Variants in PPFIBP1 observed in about 807,000 individuals in gnomAD.
PPFIBP1 encodes the protein liprin-beta-1.
PPFIBP1 carries 112 observed loss-of-function variants against 137.8 expected under a neutral mutation model. The observed-to-expected ratio is 0.81, with a 90% CI of 0.70 to 0.95. PPFIBP1 has a LOEUF of 0.95. Ranked by LOEUF, PPFIBP1 falls within the 40% of genes least tolerant of loss-of-function variation. The pLI is 0.00. For missense variants in PPFIBP1, 1,083 were observed against 1,196.6 expected (o/e 0.91, Z 1.40); for synonymous variants, 378 against 417.3 (o/e 0.91, Z 1.15).
intron 2 of PPFIBP1, among the ~76,000 whole-genome samples, chr12:27,629,941 C>A (rs1488261162): frequency 3.3e-5 from 5 of 152,142 alleles, no homozygotes; most frequent in Non-Finnish European, 5.9e-5. Flanking sequence ...TTTATCGAAA[C>A]TGATTCTGTG....
At chr12:27,559,854 G>A (rs1459882826) in intron 1 of PPFIBP1, among the ~76,000 whole-genome samples, 1 of 152,202 alleles carries the variant, frequency 6.6e-6, no homozygotes, top group Non-Finnish European at 1.5e-5. Flanking sequence ...AAAAATAAAT[G>A]TAATTGGGGT....
At chr12:27,548,741 CTG>C (rs1462815472) in intron 1 of PPFIBP1, 3 of 152,288 alleles carry the variant, frequency 2.0e-5, no homozygotes, top group Non-Finnish European at 4.4e-5. Flanking sequence ...GTGGGGAAGC[CTG>C]ATGACTTCGT....
At chr12:27,692,529 CTGCTGCACTT>C (rs2061609669) in intron 28 of PPFIBP1, 52 bp from the exon 29 acceptor site, 1 of 1,496,040 alleles carries the variant, frequency 6.7e-7, no homozygotes, top group African/African-American at 1.4e-5. Flanking sequence ...TTTGTTCCTC[CTGCTGCACTT>C]TCCCTGAAAT....
intron 1 of PPFIBP1, among the ~76,000 whole-genome samples, chr12:27,543,749 T>C (rs185186711): frequency 8.8e-4 from 134 of 152,274 alleles, no homozygotes; most frequent in African/African-American, 2.9e-3. Flanking sequence ...CTAAATCTTA[T>C]AACGTTTGCA....
chr12:27,579,074 T>C (rs1463837338), intron 2 of PPFIBP1, among the ~76,000 whole-genome samples: 1 of 152,240 alleles, frequency 6.6e-6, no homozygotes, highest in Non-Finnish European at 1.5e-5. Context: ...ATTCTCACCC[T>C]TTAAAACCTT....
At chr12:27,640,978 C>A (rs113740967) in intron 4 of PPFIBP1, among the ~76,000 whole-genome samples, 1 of 152,112 alleles carries the variant, frequency 6.6e-6, no homozygotes, top group Admixed American at 6.5e-5. Context: ...ATGGACTGAG[C>A]CTTACTCTTC....
At chr12:27,597,360 T>A (rs2053439149) in intron 2 of PPFIBP1, among the ~76,000 whole-genome samples, 1 of 152,152 alleles carries the variant, frequency 6.6e-6, no homozygotes, top group East Asian at 1.9e-4. Context: ...TTCACCATGT[T>A]GGTGAGGCTG....
At chr12:27,557,596 C>A (rs190998761) in intron 1 of PPFIBP1, among the ~76,000 whole-genome samples, 6 of 152,196 alleles carry the variant, frequency 3.9e-5, no homozygotes, top group Admixed American at 3.9e-4. Context: ...TTCCCAGGAA[C>A]CCTAAAAGTC....
chr12:27,576,547 A>C (rs2050578607), intron 1 of PPFIBP1, among the ~76,000 whole-genome samples: 1 of 152,118 alleles, frequency 6.6e-6, no homozygotes, highest in Non-Finnish European at 1.5e-5. Context: ...GAGGGGGCTA[A>C]GTAGGGAAGA....
intron 2 of PPFIBP1, among the ~76,000 whole-genome samples, chr12:27,606,327 G>A (rs943578951): frequency 2.9e-5 from 1 of 34,402 alleles, no homozygotes; most frequent in Non-Finnish European, 7.6e-5. Context: ...TTGGGGTATG[G>A]GGGAGGATGA....
At chr12:27,603,067 G>A (rs1302604802) in intron 2 of PPFIBP1, among the ~76,000 whole-genome samples, 1 of 152,304 alleles carries the variant, frequency 6.6e-6, no homozygotes, top group East Asian at 1.9e-4. Context: ...TTTGGGCCAA[G>A]CCTGATGGTG....
At position 27,681,695 on chromosome 12, in the gene PPFIBP1, A is replaced by C. The variant is rs1484589475; in HGVS notation, c.2045A>C (p.Lys682Thr). ...LLQASQQDLEKELGIKHSLHR... is the reference protein window; with the variant it reads ...LLQASQQDLETELGIKHSLHR... Reference sequence around the variant, plus strand: ...CAGGCTTCTCAACAAGATCTAGAGAAGGTGACTGCTTCTCTGTTTTGTTCA... The same window carrying C: ...CAGGCTTCTCAACAAGATCTAGAGACGGTGACTGCTTCTCTGTTTTGTTCA... The change falls in exon 22 of 30, where the codon AAG becomes ACG. Residue 682 changes from lysine (K) to threonine (T), a missense_variant and splice_region_variant. Coordinates refer to ENST00000228425, the MANE Select transcript of PPFIBP1 (RefSeq NM_003622.4). 6.2e-7 allele frequency: 1 copy of C among 1,614,004 alleles called. No individual in the cohort carries two copies. Among genetic ancestry groups the C allele is most frequent in the East Asian group, 2.2e-5 (1 of 44,872 alleles).
At position 27,545,547 on chromosome 12, in the gene PPFIBP1, G is replaced by T. The variant is rs1041446948; in HGVS notation, c.-124+21182G>T. Among the ~76,000 whole-genome samples the T allele has an allele frequency of 2.0e-5, 3 of 152,258 alleles. 1 individual carries two copies. On this transcript the variant is annotated intron_variant, in intron 1 of 29. Transcript: ENST00000228425. ...GGGATTTCTTGTTGCTGGCTGGTTG[G>T]CTCAGGGAGTAAATAGAGTAATTAG...
At chr12:27,536,641 C>G (rs1391900928) in intron 1 of PPFIBP1, among the ~76,000 whole-genome samples, 1 of 152,236 alleles carries the variant, frequency 6.6e-6, no homozygotes, top group Non-Finnish European at 1.5e-5. Flanking sequence ...GTGGGAATCT[C>G]ATTTCAACAT....
chr12:27,647,495 A>G (rs1190755874), intron 5 of PPFIBP1, among the ~76,000 whole-genome samples: 1 of 151,962 alleles, frequency 6.6e-6, no homozygotes, highest in Non-Finnish European at 1.5e-5. Context: ...AGTATTGTAC[A>G]TTCCTAATCT....
intron 21 of PPFIBP1, among the ~76,000 whole-genome samples, chr12:27,680,729 A>G (rs772001778): frequency 6.6e-6 from 1 of 152,228 alleles, no homozygotes; most frequent in Non-Finnish European, 1.5e-5. Flanking sequence ...ACCAAAGTTT[A>G]GGGCTGGCTT....
chr12:27,530,084 A>C (rs1215019574), intron 1 of PPFIBP1, among the ~76,000 whole-genome samples: 1 of 152,212 alleles, frequency 6.6e-6, no homozygotes, highest in Non-Finnish European at 1.5e-5. Flanking sequence ...TCTGTGGTCT[A>C]CTTTTTTCAT....
In PPFIBP1 at chr12:27,544,789, G is replaced by A. The variant is rs557292440; in HGVS notation, c.-124+20424G>A. Among the ~76,000 whole-genome samples, 7 of 152,276 alleles carry A rather than the reference G, an allele frequency of 4.6e-5. No homozygotes were observed. In the South Asian group the frequency reaches 1.5e-3, roughly 32 times the overall value. ...AGAAATAGGAACGCTGTTGGTGGGA[G>A]TGTAAATTAGTTCAACCATTGTGGA... On this transcript the variant is annotated intron_variant, in intron 1 of 29. Transcript: ENST00000228425.
chr12:27,532,298 T>G (rs985381436), intron 1 of PPFIBP1, among the ~76,000 whole-genome samples: 4 of 152,164 alleles, frequency 2.6e-5, no homozygotes, highest in Non-Finnish European at 5.9e-5. Context: ...AGAATACTGT[T>G]TAGCTGTTAA....
Sources: gnomAD v4.1 joint callset for allele counts (sites outside exome capture counted in the v4.1 genomes callset) on GRCh38, gnomAD v4.1.1 for gene constraint, MANE v1.5 for transcripts, NCBI Gene and HGNC (gene_info 2026-07-23, HGNC 2026-07-21) for gene names.